ANXA10: variants seen among roughly 807,000 people sequenced by gnomAD.
ANXA10 encodes annexin 14.
Under a neutral mutation model 53.5 loss-of-function variants are expected in ANXA10, and 49 were observed. That is an observed-to-expected ratio of 0.92 (90% confidence interval 0.73 to 1.16). The LOEUF (loss-of-function observed/expected upper bound fraction) is 1.16, where lower values mean the gene tolerates loss of function less well. Among genes scored for constraint, ANXA10 ranks in the 50% most tolerant of loss-of-function variants. ANXA10 has a pLI of 0.00. For synonymous variants in ANXA10, 131 were observed against 128.9 expected (o/e 1.02, Z -0.11); for missense variants, 393 against 394.4 (o/e 1.00, Z 0.03).
At chr4:168,118,863 ATTCATGTTTT>A (rs1730940857) in intron 1 of ANXA10, among the ~76,000 whole-genome samples, 1 of 152,146 alleles carries the variant, frequency 6.6e-6, no homozygotes, top group Non-Finnish European at 1.5e-5. Context: ...AAAAGTTATT[ATTCATGTTTT>A]TCTGCATTTT....
intron 10 of ANXA10, among the ~76,000 whole-genome samples, chr4:168,184,020 C>A (rs1428042946): frequency 1.3e-5 from 2 of 152,080 alleles, no homozygotes; most frequent in Non-Finnish European, 2.9e-5. Context: ...TTTAAACCGG[C>A]AAATATTTGA....
chr4:168,156,288 T>TAATAGTA (rs1259279264), intron 3 of ANXA10, among the ~76,000 whole-genome samples: 221 of 18,642 alleles, frequency 0.012, no homozygotes, highest in Non-Finnish European at 0.021. Flanking sequence ...ATAGTATATA[T>TAATAGTA]TATATTATAT....
At chr4:168,153,422 C>CAAAAAAAAAAAAAAAA (rs61179704) in intron 3 of ANXA10, among the ~76,000 whole-genome samples, 14 of 43,504 alleles carry the variant, frequency 3.2e-4, no homozygotes, top group East Asian at 5.1e-4. Flanking sequence ...AAGCCTAAAG[C>CAAAAAAAAAAAAAAAA]AAAAAAAAAA....
intron 2 of ANXA10, among the ~76,000 whole-genome samples, chr4:168,131,097 A>G (rs536979044): frequency 6.6e-6 from 1 of 151,370 alleles, no homozygotes; most frequent in South Asian, 2.1e-4. Context: ...TTGATTTCAG[A>G]TTTCTTTTTG....
intron 1 of ANXA10, among the ~76,000 whole-genome samples, chr4:168,099,447 A>T (rs368594496): frequency 6.6e-5 from 10 of 152,168 alleles, no homozygotes; most frequent in African/African-American, 2.4e-4. Context: ...CAACTCACAT[A>T]TAGAAAAGTA....
chr4:168,160,167 T>C (rs1181609624), intron 3 of ANXA10, among the ~76,000 whole-genome samples: 1 of 152,134 alleles, frequency 6.6e-6, no homozygotes, highest in Non-Finnish European at 1.5e-5. Flanking sequence ...ACCTAGATAT[T>C]AAGCCCATTA....
At chr4:168,144,448 A>T (rs1731375897) in intron 3 of ANXA10, among the ~76,000 whole-genome samples, 1 of 152,210 alleles carries the variant, frequency 6.6e-6, no homozygotes, top group Non-Finnish European at 1.5e-5. Context: ...TGGCCTCCCA[A>T]AGTGCTGGGA....
intron 3 of ANXA10, among the ~76,000 whole-genome samples, 179 bp downstream of exon 3, chr4:168,139,759 A>T (rs1252261264): frequency 6.6e-6 from 1 of 152,188 alleles, no homozygotes; most frequent in Non-Finnish European, 1.5e-5. Context: ...CTATATTATG[A>T]AACAAATATA....
chr4:168,164,357 G>T, intron 5 of ANXA10, 69 bp downstream of exon 5: 1 of 1,144,218 alleles, frequency 8.7e-7, no homozygotes, highest in Non-Finnish European at 1.3e-6. Flanking sequence ...AAATATTCCA[G>T]TTTATGTATT....
At chr4:168,106,742 A>G (rs1044945078) in intron 1 of ANXA10, among the ~76,000 whole-genome samples, 1 of 152,122 alleles carries the variant, frequency 6.6e-6, no homozygotes, top group Admixed American at 6.6e-5. Flanking sequence ...GGAGGTTGTA[A>G]CATTTTCTGG....
In ANXA10 at chr4:168,092,555, AT is replaced by A. The variant is rs1730476559; in HGVS notation, c.-142del. 2.6e-6 allele frequency: 2 copies of A among 768,918 alleles called. No individual in the cohort carries two copies. Among genetic ancestry groups the A allele is most frequent in the Non-Finnish European group, 4.2e-6 (2 of 481,360 alleles). The allele number at this position is 768,918 out of a possible 1,614,324, so 47.6% of individuals were successfully genotyped here. On this transcript the variant is annotated 5_prime_UTR_variant, in exon 1 of 12. Transcript: ENST00000359299. ...ATGCTGTATCCAGATTTGCTTTTACATTTTCTTGCCTGAGTCTGAGGTGAAC... is the reference window on the plus strand; with the variant it reads ...ATGCTGTATCCAGATTTGCTTTTACATTTCTTGCCTGAGTCTGAGGTGAAC...
chr4:168,115,316 A>AT (rs1285168865), intron 1 of ANXA10, among the ~76,000 whole-genome samples: 1 of 152,172 alleles, frequency 6.6e-6, no homozygotes, highest in African/African-American at 2.4e-5. Flanking sequence ...ACTAAAATCT[A>AT]TTCCAACTCA....
chr4:168,118,394 G>A (rs1730931982), intron 1 of ANXA10, among the ~76,000 whole-genome samples: 1 of 152,214 alleles, frequency 6.6e-6, no homozygotes, highest in South Asian at 2.1e-4. Context: ...CAGGGAGGAA[G>A]CTATTGTAAC....
intron 5 of ANXA10, 100 bp downstream of exon 5, chr4:168,164,388 T>C: frequency 1.1e-6 from 1 of 902,696 alleles, no homozygotes; most frequent in South Asian, 1.9e-5. Context: ...ATCTAAGACA[T>C]TCTTACATTT....
chr4:168,123,922 A>G (rs1731029441), intron 1 of ANXA10, among the ~76,000 whole-genome samples: 1 of 152,132 alleles, frequency 6.6e-6, no homozygotes, highest in Non-Finnish European at 1.5e-5. Context: ...TATCTTCCCA[A>G]ATTATTTCCT....
In ANXA10 at chr4:168,181,162, C is replaced by T. The variant is rs79048466; in HGVS notation, c.725-521C>T. ...AAGTTTTCACTTTGGGAGGCAGAGG[C>T]GGGCGGATCATGAGGTCAGGAGATC... On this transcript the variant is annotated intron_variant, in intron 9 of 11. Transcript: ENST00000359299. Among the ~76,000 whole-genome samples the T allele has an allele frequency of 3.4e-4, 52 of 151,946 alleles. No individual in the cohort carries two copies. In the East Asian group the frequency reaches 9.3e-3, roughly 27 times the overall value.
intron 3 of ANXA10, among the ~76,000 whole-genome samples, chr4:168,153,188 G>T (rs1015334461): frequency 6.6e-6 from 1 of 152,040 alleles, no homozygotes; most frequent in African/African-American, 2.4e-5. Context: ...GGTAAAGATC[G>T]TAGCAGTAAA....
intron 1 of ANXA10, among the ~76,000 whole-genome samples, chr4:168,122,597 A>G (rs1391886986): frequency 1.3e-5 from 2 of 152,224 alleles, no homozygotes; most frequent in Non-Finnish European, 2.9e-5. Flanking sequence ...CTGTACAAGC[A>G]TGGTGCTGGC....
intron 10 of ANXA10, among the ~76,000 whole-genome samples, chr4:168,183,448 TACA>T (rs1218125226): frequency 5.3e-5 from 8 of 152,222 alleles, no homozygotes; most frequent in Admixed American, 1.3e-4. Flanking sequence ...AACCAACCAC[TACA>T]ACAACAGTAT....
Sources: gnomAD v4.1 joint callset for allele counts (sites outside exome capture counted in the v4.1 genomes callset) on GRCh38, gnomAD v4.1.1 for gene constraint, MANE v1.5 for transcripts, NCBI Gene and HGNC (gene_info 2026-07-23, HGNC 2026-07-21) for gene names.